The following SCHIP1 variants were observed in gnomAD, a reference collection of about 807,000 sequenced individuals.
The protein encoded by SCHIP1 is schwannomin-interacting protein 1.
Under a neutral mutation model 29.7 loss-of-function variants are expected in SCHIP1, and 8 were observed. The observed-to-expected ratio is 0.27, with a 90% CI of 0.16 to 0.49. SCHIP1 has a LOEUF of 0.49. Among genes scored for constraint, SCHIP1 ranks in the 20% least tolerant of loss-of-function variants. The pLI is 0.99. For missense variants in SCHIP1, 193 were observed against 294.6 expected (o/e 0.66, Z 2.52); for synonymous variants, 76 against 94.9 (o/e 0.80, Z 1.16).
At chr3:159,508,315 C>T in the SCHIP1 span, among the ~76,000 whole-genome samples, 3 of 152,078 alleles carry the variant, frequency 2.0e-5, no homozygotes, top group Admixed American at 1.3e-4. Flanking sequence ...TGGTGATATC[C>T]CCTTTGTCAT....
At chr3:159,837,863 C>A (rs1294240461), upstream of SCHIP1, among the ~76,000 whole-genome samples, 2 of 152,146 alleles carry the variant, frequency 1.3e-5, no homozygotes, top group African/African-American at 4.8e-5. Flanking sequence ...AAGTTTCCAT[C>A]TTCTTGTCTT....
the SCHIP1 span, among the ~76,000 whole-genome samples, chr3:159,430,242 T>C: frequency 6.6e-6 from 1 of 152,218 alleles, no homozygotes; most frequent in Admixed American, 6.5e-5. Context: ...TGTATTTAGA[T>C]ATTAACCACC....
chr3:159,751,335 C>T, the SCHIP1 span, among the ~76,000 whole-genome samples: 1 of 152,142 alleles, frequency 6.6e-6, no homozygotes, highest in East Asian at 1.9e-4. Context: ...AAAATATTTA[C>T]CATCTAATCC....
chr3:159,285,548 T>C, the SCHIP1 span, among the ~76,000 whole-genome samples: 2 of 152,268 alleles, frequency 1.3e-5, no homozygotes, highest in Admixed American at 1.3e-4. Flanking sequence ...TTTGATCTTC[T>C]TTTGCCTTGT....
the SCHIP1 span, among the ~76,000 whole-genome samples, chr3:159,584,398 A>C: frequency 6.6e-6 from 1 of 152,328 alleles, no homozygotes. Flanking sequence ...ATCTTTCAAG[A>C]AGCTCAAATT....
At chr3:159,382,244 C>T in the SCHIP1 span, among the ~76,000 whole-genome samples, 3 of 149,310 alleles carry the variant, frequency 2.0e-5, no homozygotes, top group African/African-American at 5.0e-5. Flanking sequence ...TCTCCTAATG[C>T]TATCCCTCCC....
At position 159,877,341 on chromosome 3, in the gene SCHIP1, ACT is replaced by A. The variant is rs908197556; in HGVS notation, c.150-8863_150-8862del. 3.7e-4 allele frequency among the ~76,000 whole-genome samples: 57 copies of A among 152,310 alleles called. 1 individual carries two copies. Among genetic ancestry groups the A allele is most frequent in the African/African-American group, 1.3e-3 (55 of 41,572 alleles). On this transcript the variant is annotated intron_variant, in intron 2 of 6. Transcript: ENST00000445224. ...CTCCAGCCTGGGTGACAAGAGCGAA[ACT>A]CTGTTTCAAAGAATAAAAAATAAAG...
the SCHIP1 span, among the ~76,000 whole-genome samples, chr3:159,589,023 G>T: frequency 6.6e-6 from 1 of 152,118 alleles, no homozygotes; most frequent in Non-Finnish European, 1.5e-5. Context: ...AGCTTGGTGG[G>T]GATGGTACTG....
the SCHIP1 span, among the ~76,000 whole-genome samples, chr3:159,370,572 C>T: frequency 1.3e-5 from 2 of 152,144 alleles, no homozygotes; most frequent in Admixed American, 1.3e-4. Flanking sequence ...AGAGTGTTTC[C>T]AGAAGAAAGC....
At chr3:159,274,700 G>A in the SCHIP1 span, 6 of 819,904 alleles carry the variant, frequency 7.3e-6, no homozygotes, top group Non-Finnish European at 8.8e-6. Flanking sequence ...CAGATATTTT[G>A]ATTAGCTATT....
the SCHIP1 span, among the ~76,000 whole-genome samples, chr3:159,613,757 G>A: frequency 6.6e-6 from 1 of 152,158 alleles, no homozygotes; most frequent in Non-Finnish European, 1.5e-5. Flanking sequence ...CCAGGCTAGA[G>A]GAACTATAGG....
chr3:159,891,428 G>A (rs529848647), intron 5 of SCHIP1, among the ~76,000 whole-genome samples: 25 of 152,104 alleles, frequency 1.6e-4, no homozygotes, highest in Non-Finnish European at 2.9e-4. Flanking sequence ...GAGGGAGGGA[G>A]GGAAGAAAGA....
At chr3:159,354,367 G>A in the SCHIP1 span, among the ~76,000 whole-genome samples, 1 of 152,138 alleles carries the variant, frequency 6.6e-6, no homozygotes, top group East Asian at 1.9e-4. Flanking sequence ...TATATATCTA[G>A]AAGCTATATC....
chr3:159,545,100 T>A, the SCHIP1 span, among the ~76,000 whole-genome samples: 2 of 152,098 alleles, frequency 1.3e-5, no homozygotes, highest in Non-Finnish European at 2.9e-5. Context: ...GAGATTGTTT[T>A]ACATAGTGCC....
At chr3:159,510,740 C>T in the SCHIP1 span, among the ~76,000 whole-genome samples, 1 of 152,190 alleles carries the variant, frequency 6.6e-6, no homozygotes, top group Non-Finnish European at 1.5e-5. Context: ...CCACTCCAGA[C>T]CCTGTTTGCC....
At chr3:159,831,599 G>A in the SCHIP1 span, among the ~76,000 whole-genome samples, 3 of 152,056 alleles carry the variant, frequency 2.0e-5, no homozygotes, top group Admixed American at 6.5e-5. Context: ...TTTTGAGGTC[G>A]TTATTAAGTA....
chr3:159,407,151 C>A, the SCHIP1 span, among the ~76,000 whole-genome samples: 1 of 152,096 alleles, frequency 6.6e-6, no homozygotes, highest in Non-Finnish European at 1.5e-5. Flanking sequence ...ACAAGAAACA[C>A]ACTCACATAT....
the SCHIP1 span, among the ~76,000 whole-genome samples, chr3:159,531,491 A>G: frequency 4.6e-5 from 7 of 152,184 alleles, no homozygotes; most frequent in Non-Finnish European, 8.8e-5. Context: ...TGTTTTCTTC[A>G]TGAAACTTAG....
the SCHIP1 span, among the ~76,000 whole-genome samples, chr3:159,803,123 G>T: frequency 6.6e-6 from 1 of 152,232 alleles, no homozygotes; most frequent in Admixed American, 6.5e-5. Context: ...TGCAAGAGAG[G>T]CTGGAGAATG....
Sources: gnomAD v4.1 joint callset for allele counts (sites outside exome capture counted in the v4.1 genomes callset) on GRCh38, gnomAD v4.1.1 for gene constraint, MANE v1.5 for transcripts, NCBI Gene and HGNC (gene_info 2026-07-23, HGNC 2026-07-21) for gene names.